The following TEKT1 variants were observed in gnomAD, a reference collection of about 807,000 sequenced individuals.
TEKT1 encodes the protein tektin-1.
In TEKT1, 32 loss-of-function variants were observed where a neutral mutation model predicts 34.8. The ratio of observed to expected loss-of-function variants is 0.92; its 90% CI spans 0.69 to 1.23. The LOEUF is 1.23. Among genes scored for constraint, TEKT1 ranks in the 50% most tolerant of loss-of-function variants. TEKT1 has a pLI of 0.00. For missense variants in TEKT1, 492 were observed against 518.5 expected, an observed-to-expected ratio of 0.95 and a Z score of 0.50; for synonymous variants, 207 against 199.8, an observed-to-expected ratio of 1.04 and a Z score of -0.30.
chr17:6,823,839 T>G (rs1718892010), intron 2 of TEKT1, among the ~76,000 whole-genome samples: 1 of 130,024 alleles, frequency 7.7e-6, no homozygotes, highest in African/African-American at 3.0e-5. Flanking sequence ...TTTTTTTTTT[T>G]TGAGACAGAG....
chr17:6,812,821 G>C lies in TEKT1; in HGVS notation c.852+10C>G. Reference sequence around the variant, plus strand: ...CTGCTCTTCTTCCATGCTCCCTCAAGGGACCTCACCTTGGCCAGATGATCA... The same window carrying C: ...CTGCTCTTCTTCCATGCTCCCTCAACGGACCTCACCTTGGCCAGATGATCA... On this transcript the variant is annotated intron_variant, in intron 6 of 7. Transcript: ENST00000338694. 6.2e-7 allele frequency: 1 copy of C among 1,611,676 alleles called. No individual in the cohort carries two copies. The highest frequency in any genetic ancestry group is 8.5e-7 in the Non-Finnish European group (1 of 1,178,910).
In TEKT1 at chr17:6,812,822, G is replaced by C. The variant is rs780188446; in HGVS notation, c.852+9C>G. 1.2e-6 allele frequency: 2 copies of C among 1,611,930 alleles called. No homozygotes were observed. The highest frequency in any genetic ancestry group is 1.7e-6 in the Non-Finnish European group (2 of 1,179,062). On this transcript the variant is annotated intron_variant, in intron 6 of 7. Transcript: ENST00000338694. Reference sequence around the variant, plus strand: ...TGCTCTTCTTCCATGCTCCCTCAAGGGACCTCACCTTGGCCAGATGATCAG... The same window carrying C: ...TGCTCTTCTTCCATGCTCCCTCAAGCGACCTCACCTTGGCCAGATGATCAG...
chr17:6,807,456 C>G (rs765210681), intron 6 of TEKT1, among the ~76,000 whole-genome samples: 2 of 152,196 alleles, frequency 1.3e-5, no homozygotes, highest in Non-Finnish European at 2.9e-5. Context: ...CTGAAGCCTT[C>G]TTCTCTCAAC....
intron 2 of TEKT1, among the ~76,000 whole-genome samples, chr17:6,829,197 A>G (rs981819701): frequency 2.6e-5 from 4 of 152,224 alleles, no homozygotes; most frequent in African/African-American, 9.6e-5. Flanking sequence ...TGTCAAGAGA[A>G]AATGACTCCT....
At position 6,830,406 on chromosome 17, in the gene TEKT1, A is replaced by G; in HGVS notation, c.-17-13T>C. 6.7e-7 allele frequency: 1 copy of G among 1,499,848 alleles called. No homozygotes were observed. Among genetic ancestry groups the G allele is most frequent in the Non-Finnish European group, 9.0e-7 (1 of 1,116,672 alleles). The allele number at this position is 1,499,848 out of a possible 1,614,324, so 92.9% of individuals were successfully genotyped here. ...GGTTTCCAAATTCCTGATCAAAAGC[A>G]GACTCTTTTAGATTAAATGAAAGCA... On this transcript the variant is annotated splice_polypyrimidine_tract_variant and intron_variant, in intron 1 of 7. Coordinates refer to ENST00000338694, the MANE Select transcript of TEKT1 (RefSeq NM_053285.2).
chr17:6,814,344 AAAG>A (rs1204046183), intron 5 of TEKT1, among the ~76,000 whole-genome samples: 1 of 152,250 alleles, frequency 6.6e-6, no homozygotes, highest in Non-Finnish European at 1.5e-5. Flanking sequence ...TTTATTTCAA[AAAG>A]AAGGTTTTAA....
In TEKT1 at chr17:6,811,368, T is replaced by G. The variant is rs1597788184; in HGVS notation, c.852+1463A>C. Among the ~76,000 whole-genome samples, 1 of 152,020 alleles carries G rather than the reference T, an allele frequency of 6.6e-6. No individual in the cohort carries two copies. Among genetic ancestry groups the G allele is most frequent in the East Asian group, 1.9e-4 (1 of 5,182 alleles). ...ACATGCCAGGCACTGTTCTAAATAT[T>G]TTATATGAGTTGTCTAACTTAACCC... On this transcript the variant is annotated intron_variant, in intron 6 of 7. Transcript: ENST00000338694. This position sits in a 1 kb window ranked among gnomAD's most constrained non-coding sequence, Gnocchi z 4.4.
intron 6 of TEKT1, among the ~76,000 whole-genome samples, chr17:6,810,377 A>G (rs1202755729): frequency 6.6e-6 from 1 of 152,150 alleles, no homozygotes; most frequent in African/African-American, 2.4e-5. Flanking sequence ...ACAATTCTTT[A>G]TCAGATATGT....
Position 6,813,027 on chromosome 17 carries a change from TCCAA to T in TEKT1, c.652_655del (p.Leu218ThrfsTer18). On this transcript the variant is annotated frameshift_variant, in exon 6 of 8. Coordinates refer to ENST00000338694, the MANE Select transcript of TEKT1 (RefSeq NM_053285.2). LOFTEE classifies it high-confidence loss of function. ...CTTCTCCACATTGGTGCTGGAGAAG[TCCAA>T]CCAGTCTTCCAGACTCACGGAGCTG... is the stretch of plus-strand genomic sequence containing the variant. 6.2e-7 allele frequency: 1 copy of T among 1,613,966 alleles called. No homozygotes were observed. The highest frequency in any genetic ancestry group is 8.5e-7 in the Non-Finnish European group (1 of 1,179,918).
At chr17:6,829,247 T>G (rs191074398) in intron 2 of TEKT1, among the ~76,000 whole-genome samples, 1 of 152,276 alleles carries the variant, frequency 6.6e-6, no homozygotes, top group Non-Finnish European at 1.5e-5. Context: ...GAAAAACTTT[T>G]CCAATTTTTC....
chr17:6,825,580 G>A (rs9908669), intron 2 of TEKT1, among the ~76,000 whole-genome samples: 109,502 of 152,132 alleles, frequency 0.72, 40,353 homozygotes, highest in African/African-American at 0.89. Context: ...ATAAGACCCA[G>A]CTCAAGAAAC....
chr17:6,807,440 G>C (rs1315332102), intron 6 of TEKT1, among the ~76,000 whole-genome samples: 1 of 152,072 alleles, frequency 6.6e-6, no homozygotes. Context: ...AGAGTAGTTT[G>C]ATCATCTGAA....
chr17:6,810,135 C>T (rs1051533095), intron 6 of TEKT1, among the ~76,000 whole-genome samples: 1 of 152,214 alleles, frequency 6.6e-6, no homozygotes, highest in African/African-American at 2.4e-5. Context: ...TGCTCCACAT[C>T]CTCACCAGCA....
intron 2 of TEKT1, among the ~76,000 whole-genome samples, chr17:6,829,768 G>T (rs1307791817): frequency 6.6e-6 from 1 of 150,436 alleles, no homozygotes; most frequent in Non-Finnish European, 1.5e-5. Context: ...ATCTTTTATT[G>T]TTTTTTTTTC....
chr17:6,824,944 A>G (rs1298042960), intron 2 of TEKT1, among the ~76,000 whole-genome samples: 1 of 152,238 alleles, frequency 6.6e-6, no homozygotes, highest in Non-Finnish European at 1.5e-5. Context: ...TTAGAGCTGA[A>G]GATTTCTATT....
rs1597782891 is a variant in TEKT1, at chr17:6,798,256, C to T, written c.*1771G>A. On this transcript the variant is annotated 3_prime_UTR_variant, in exon 8 of 8. Transcript: ENST00000338694. ...CAGGTAGAGCGTGGAGCTGATCCAC[C>T]AGCTGATCTGAATCACATCTCCCTG... 6.6e-6 allele frequency: 1 copy of T among 152,312 alleles called. No homozygotes were observed. Among genetic ancestry groups the T allele is most frequent in the South Asian group, 2.1e-4 (1 of 4,826 alleles). 9.4% of individuals were successfully genotyped at this position (152,312 alleles called of 1,614,324 possible).
At chr17:6,826,821 G>A (rs375001425) in intron 2 of TEKT1, among the ~76,000 whole-genome samples, 6 of 151,324 alleles carry the variant, frequency 4.0e-5, no homozygotes, top group African/African-American at 7.3e-5. Context: ...TCAGCCTCCC[G>A]AGTAGCTGGG....
In TEKT1 at chr17:6,800,646, G is replaced by A. The variant is rs1976756961; in HGVS notation, c.1049+101C>T. On this transcript the variant is annotated intron_variant, in intron 7 of 7. Coordinates refer to ENST00000338694, the MANE Select transcript of TEKT1 (RefSeq NM_053285.2). Reference sequence around the variant, plus strand: ...GGCATTCCTCAAGCATTCCAGAGCAGGCTGGCTTCATTCACGCTGCTGGTC... The same window carrying A: ...GGCATTCCTCAAGCATTCCAGAGCAAGCTGGCTTCATTCACGCTGCTGGTC... 2.9e-6 allele frequency: 4 copies of A among 1,386,296 alleles called. No homozygotes were observed. The South Asian group carries it at 5.6e-5, about 19-fold the overall frequency. 85.9% of individuals were successfully genotyped at this position (1,386,296 alleles called of 1,614,324 possible).
At chr17:6,800,317 G>T in intron 7 of TEKT1, 83 bp from the exon 8 acceptor site, 2 of 1,233,536 alleles carry the variant, frequency 1.6e-6, no homozygotes, top group Non-Finnish European at 1.1e-6. Flanking sequence ...CCAGTGTTCA[G>T]TGCAGGAGCC....
Sources: allele counts gnomAD v4.1 joint callset (sites outside exome capture counted in the v4.1 genomes callset), GRCh38; gene constraint gnomAD v4.1.1; non-coding constraint Gnocchi (gnomAD v3.1); transcripts MANE v1.5; gene names NCBI Gene and HGNC (gene_info 2026-07-23, HGNC 2026-07-21).